The following FTO variants were observed in gnomAD, a reference collection of about 807,000 sequenced individuals.
FTO encodes FTO alpha-ketoglutarate dependent dioxygenase.
In FTO, 47 loss-of-function variants were observed where a neutral mutation model predicts 63.9. The observed-to-expected ratio is 0.74, with a 90% confidence interval of 0.58 to 0.94. The LOEUF (loss-of-function observed/expected upper bound fraction) is 0.94. Among genes scored for constraint, FTO ranks in the 40% least tolerant of loss-of-function variants. The probability of loss-of-function intolerance (pLI) is 0.00; values close to 1 mark genes in which losing one functional copy is unlikely to be tolerated. For missense variants in FTO, 562 were observed against 618.1 expected, an observed-to-expected ratio of 0.91 and a Z score of 0.96; for synonymous variants, 207 against 224.4, an observed-to-expected ratio of 0.92 and a Z score of 0.69.
chr16:54,109,887 G>T (rs1286016736), intron 8 of FTO, among the ~76,000 whole-genome samples: 1 of 152,104 alleles, frequency 6.6e-6, no homozygotes, highest in Non-Finnish European at 1.5e-5. Context: ...CCTTTAATCT[G>T]CCAGCCAGGA....
chr16:53,789,767 T>TATATATATAC (rs144269494), intron 1 of FTO, among the ~76,000 whole-genome samples: 6 of 147,720 alleles, frequency 4.1e-5, no homozygotes, highest in African/African-American at 1.2e-4. Context: ...TATATATATA[T>TATATATATAC]ACACACACAC....
At chr16:54,015,560 T>A (rs1273930991) in intron 8 of FTO, among the ~76,000 whole-genome samples, 1 of 151,712 alleles carries the variant, frequency 6.6e-6, no homozygotes, top group Non-Finnish European at 1.5e-5. Context: ...ATAAGACGAG[T>A]CGTTTTAAAA....
chr16:54,085,099 A>G (rs768316593), intron 8 of FTO, among the ~76,000 whole-genome samples: 6 of 152,324 alleles, frequency 3.9e-5, no homozygotes, highest in Admixed American at 2.0e-4. Flanking sequence ...GCTATTGATT[A>G]GTTGATCTGA....
intron 1 of FTO, among the ~76,000 whole-genome samples, chr16:53,787,110 CAAAAAAAAAAAAA>C (rs35391915): frequency 2.1e-4 from 12 of 56,174 alleles, no homozygotes; most frequent in Admixed American, 6.6e-4. Context: ...GACTCCTTCT[CAAAAAAAAAAAAA>C]AAAAAAAAAA....
chr16:53,950,155 T>TAAAAAAAAAAAAAAAAAACAAAAACAAAA (rs2082741554), intron 8 of FTO, among the ~76,000 whole-genome samples: 1 of 50,604 alleles, frequency 2.0e-5, no homozygotes, highest in African/African-American at 5.4e-5. Context: ...TTCACATTTG[T>TAAAAAAAAAAAAAAAAAACAAAAACAAAA]AAAAAAAAAA....
intron 8 of FTO, among the ~76,000 whole-genome samples, chr16:54,083,120 A>G (rs143413800): frequency 1.3e-3 from 192 of 152,246 alleles, no homozygotes; most frequent in African/African-American, 4.4e-3. Context: ...TTATGGGGGG[A>G]AAAGAAAGCA....
intron 4 of FTO, among the ~76,000 whole-genome samples, chr16:53,848,071 A>C (rs2079683327): frequency 6.6e-6 from 1 of 152,170 alleles, no homozygotes; most frequent in African/African-American, 2.4e-5. Context: ...ATATATTTTT[A>C]TTAGGATTTA....
chr16:53,908,164 A>T (rs991658891), intron 7 of FTO, among the ~76,000 whole-genome samples: 1 of 152,250 alleles, frequency 6.6e-6, no homozygotes, highest in African/African-American at 2.4e-5. Context: ...TCTCCAAATT[A>T]TTGGAATATG....
At chr16:53,804,477 A>G (rs1054434801) in intron 1 of FTO, among the ~76,000 whole-genome samples, 3 of 152,140 alleles carry the variant, frequency 2.0e-5, no homozygotes, top group African/African-American at 7.2e-5. Context: ...GTTTACTTTT[A>G]CTGTGCCATA....
At chr16:53,789,829 T>C (rs939853994) in intron 1 of FTO, among the ~76,000 whole-genome samples, 20 of 149,498 alleles carry the variant, frequency 1.3e-4, no homozygotes, top group African/African-American at 3.9e-4. Flanking sequence ...AACATGTATA[T>C]GTATGTATAT....
At chr16:54,088,877 G>A (rs187445059) in intron 8 of FTO, among the ~76,000 whole-genome samples, 12 of 152,238 alleles carry the variant, frequency 7.9e-5, no homozygotes, top group East Asian at 7.7e-4. Flanking sequence ...TAACACCCAC[G>A]TTATAAAGAG....
intron 1 of FTO, among the ~76,000 whole-genome samples, chr16:53,735,214 A>G (rs2076364436): frequency 6.6e-6 from 1 of 152,216 alleles, no homozygotes; most frequent in Non-Finnish European, 1.5e-5. Flanking sequence ...TTTGAGACAA[A>G]TACATTTAAG....
At chr16:54,089,185 T>C (rs1396249723) in intron 8 of FTO, among the ~76,000 whole-genome samples, 1 of 152,226 alleles carries the variant, frequency 6.6e-6, no homozygotes, top group Non-Finnish European at 1.5e-5. Flanking sequence ...CCAGATCTTA[T>C]GCATTTGCAC....
At chr16:53,724,195 T>C (rs1372129520) in intron 1 of FTO, among the ~76,000 whole-genome samples, 3 of 152,228 alleles carry the variant, frequency 2.0e-5, no homozygotes, top group South Asian at 2.1e-4. Context: ...ACAAGGAGTA[T>C]TGGGGAGTTC....
At chr16:53,816,258 A>G (rs1421090) in intron 2 of FTO, among the ~76,000 whole-genome samples, 41,690 of 152,092 alleles carry the variant, frequency 0.27, 5,998 homozygotes, top group East Asian at 0.54. Context: ...CACCGTGGCC[A>G]AAACTGCCAT....
chr16:53,767,409 C>G (rs897241419), intron 1 of FTO, among the ~76,000 whole-genome samples: 4 of 151,964 alleles, frequency 2.6e-5, no homozygotes, highest in Non-Finnish European at 1.5e-5. Context: ...TGTTAAATGA[C>G]GAGTTAATGG....
chr16:53,800,207 T>G (rs2078182103), intron 1 of FTO, among the ~76,000 whole-genome samples: 1 of 152,196 alleles, frequency 6.6e-6, no homozygotes, highest in African/African-American at 2.4e-5. Flanking sequence ...TTTTCATTTT[T>G]GTTCAACTTA....
intron 8 of FTO, among the ~76,000 whole-genome samples, chr16:53,950,175 A>AAAAAC (rs2082754241): frequency 7.0e-6 from 1 of 142,894 alleles, no homozygotes; most frequent in Admixed American, 7.0e-5. Context: ...AAAAAAAAAA[A>AAAAAC]AAAACTTAAT....
At chr16:54,029,647 A>G (rs1043639740) in intron 8 of FTO, among the ~76,000 whole-genome samples, 29 of 152,050 alleles carry the variant, frequency 1.9e-4, no homozygotes, top group African/African-American at 7.0e-4. Context: ...TTTATGTACA[A>G]CTCTGTTACT....
Sources: allele counts gnomAD v4.1 joint callset (sites outside exome capture counted in the v4.1 genomes callset), GRCh38; gene constraint gnomAD v4.1.1; transcripts MANE v1.5; gene names NCBI Gene and HGNC (gene_info 2026-07-23, HGNC 2026-07-21).